Variants in NUP35 observed in about 807,000 individuals in gnomAD.
The protein encoded by NUP35 is nucleoporin NUP35.
Under a neutral mutation model 41.5 loss-of-function variants are expected in NUP35, and 25 were observed. The ratio of observed to expected loss-of-function variants is 0.60; its 90% CI spans 0.44 to 0.84. The LOEUF (loss-of-function observed/expected upper bound fraction) is 0.84. NUP35 is among the 40% of genes least tolerant of loss of function. The pLI is 0.00. For missense variants in NUP35, 396 were observed against 396.6 expected (o/e 1.00, Z 0.01); for synonymous variants, 149 against 130.7 (o/e 1.14, Z -0.96).
intron 3 of NUP35, among the ~76,000 whole-genome samples, chr2:183,131,785 T>TA (rs1684704021): frequency 6.6e-6 from 1 of 152,246 alleles, no homozygotes; most frequent in Non-Finnish European, 1.5e-5. Context: ...GGCTAAATAT[T>TA]ACTAAATTTC....
chr2:183,161,251 A>G lies in NUP35; in HGVS notation c.*120A>G. 6.6e-6 allele frequency: 4 copies of G among 610,396 alleles called. No homozygotes were observed. 37.8% of individuals were successfully genotyped at this position (610,396 alleles called of 1,614,324 possible). A position where few individuals can be genotyped will look rare whatever the true frequency, so the allele number is the denominator to read the frequency against. ...GATAGCTATCTCATACTTCTTTTAG[A>G]AAGAAGCCTTTTTCATTAAGGATAC... On this transcript the variant is annotated 3_prime_UTR_variant, in exon 9 of 9. Transcript: ENST00000295119.
At chr2:183,120,076 G>C (rs2105523242), upstream of NUP35, 1 of 152,382 alleles carries the variant, frequency 6.6e-6, no homozygotes, top group East Asian at 1.9e-4. Context: ...TCTTGTGGAG[G>C]CTGAAGAAAA....
At chr2:183,143,184 G>A (rs987598084) in intron 4 of NUP35, among the ~76,000 whole-genome samples, 2 of 149,898 alleles carry the variant, frequency 1.3e-5, no homozygotes, top group East Asian at 2.0e-4. Flanking sequence ...AAGAAATACA[G>A]CATTCTGTTC....
intron 2 of NUP35, among the ~76,000 whole-genome samples, chr2:183,129,104 AC>A (rs1167967817): frequency 6.6e-6 from 1 of 152,250 alleles, no homozygotes; most frequent in East Asian, 1.9e-4. Context: ...ATCTTAAGAT[AC>A]AAGAATAGGA....
upstream of NUP35, among the ~76,000 whole-genome samples, chr2:183,121,915 TTTATTA>T (rs71008266): frequency 2.2e-4 from 32 of 145,360 alleles, no homozygotes; most frequent in African/African-American, 6.4e-4. Flanking sequence ...GGCCATTCTT[TTTATTA>T]TTATTATTAT....
intron 4 of NUP35, among the ~76,000 whole-genome samples, chr2:183,142,664 G>C (rs1685139042): frequency 6.6e-6 from 1 of 151,444 alleles, no homozygotes; most frequent in Non-Finnish European, 1.5e-5. Context: ...ATTTTTAGTA[G>C]AGACAGGGTT....
intron 6 of NUP35, among the ~76,000 whole-genome samples, chr2:183,158,057 A>G (rs531848671): frequency 1.1e-4 from 17 of 150,196 alleles, no homozygotes; most frequent in African/African-American, 4.1e-4. Context: ...ACATATTTTG[A>G]GAAGTATCTT....
chr2:183,124,509 A>T lies in NUP35; in HGVS notation c.40+12A>T, dbSNP rs1559140061. 24 of 1,613,962 alleles carry T rather than the reference A, an allele frequency of 1.5e-5. No individual in the cohort carries two copies. Among genetic ancestry groups the T allele is most frequent in the Non-Finnish European group, 1.9e-5 (23 of 1,179,988 alleles). The stretch of plus-strand genomic sequence containing the variant: ...GGGGCCCGCGTTAGGTGAGTGAAAT[A>T]TTGCTTTTCCTTGCTGGCACTGCCA... On this transcript the variant is annotated intron_variant, in intron 1 of 8. Coordinates refer to ENST00000295119, the MANE Select transcript of NUP35 (RefSeq NM_138285.5).
chr2:183,158,326 A>G lies in NUP35; in HGVS notation c.653A>G (p.Lys218Arg), dbSNP rs1685747459. The G allele has an allele frequency of 6.2e-7, 1 of 1,608,860 alleles. No individual in the cohort carries two copies. ...TGGATGCATATTCGTTATCAATCTA[A>G]ACTGCAGGCTCGGAAAGCCTTAAGC... ...GNWMHIRYQS[K>R]LQARKALSKD... The change falls in exon 7 of 9, where the codon AAA becomes AGA. Residue 218 changes from lysine (K) to arginine (R), a missense_variant. By Grantham distance (26) the Lys-to-Arg change is conservative (BLOSUM62 2). Transcript: ENST00000295119.
chr2:183,157,604 T>C, intron 6 of NUP35, 91 bp downstream of exon 6: 2 of 921,986 alleles, frequency 2.2e-6, no homozygotes, highest in Non-Finnish European at 3.4e-6. Context: ...TGTGGGTTTT[T>C]TTTAAACTTA....
chr2:183,158,649 C>G (rs7558084), intron 7 of NUP35, among the ~76,000 whole-genome samples: 1 of 152,036 alleles, frequency 6.6e-6, no homozygotes, highest in Admixed American at 6.5e-5. Context: ...ACTGAGAGGG[C>G]TTAAGTAACT....
upstream of NUP35, among the ~76,000 whole-genome samples, chr2:183,119,651 G>A (rs1435846806): frequency 1.3e-5 from 2 of 152,136 alleles, no homozygotes; most frequent in African/African-American, 4.8e-5. Context: ...TGGAGCAAAA[G>A]GTTAGGATGA....
chr2:183,138,269 A>ATATATATTTTTTTTTTTTT, intron 4 of NUP35, among the ~76,000 whole-genome samples: 1 of 80,690 alleles, frequency 1.2e-5, no homozygotes, highest in Non-Finnish European at 2.2e-5. Flanking sequence ...ATATATATAT[A>ATATATATTTTTTTTTTTTT]TTTTTTTTTT....
At chr2:183,126,388 A>T (rs1011483436) in intron 1 of NUP35, among the ~76,000 whole-genome samples, 2 of 151,484 alleles carry the variant, frequency 1.3e-5, no homozygotes, top group African/African-American at 2.4e-5. Context: ...TTTTGCTATA[A>T]TTTTTTTTTC....
At chr2:183,145,893 A>G (rs1156504502) in intron 4 of NUP35, among the ~76,000 whole-genome samples, 1 of 152,222 alleles carries the variant, frequency 6.6e-6, no homozygotes, top group African/African-American at 2.4e-5. Flanking sequence ...AAAAACTACA[A>G]TGCAATAATA....
chr2:183,131,134 C>T (rs1684684766), intron 3 of NUP35: 1 of 255,950 alleles, frequency 3.9e-6, no homozygotes, highest in Non-Finnish European at 8.6e-6. Context: ...GCTGCTATGC[C>T]TGGCTAATTG....
intron 4 of NUP35, among the ~76,000 whole-genome samples, chr2:183,138,267 ATATTT>A (rs1559147374): frequency 1.4e-5 from 1 of 74,046 alleles, no homozygotes; most frequent in African/African-American, 7.3e-5. Flanking sequence ...ATATATATAT[ATATTT>A]TTTTTTTTTT....
intron 1 of NUP35, chr2:183,118,254 A>G (rs1559137689): frequency 6.6e-6 from 1 of 152,234 alleles, no homozygotes; most frequent in Non-Finnish European, 1.5e-5. Context: ...AGGTAGAGAA[A>G]AAAGTATTGT....
At position 183,151,518 on chromosome 2, in the gene NUP35, GT is replaced by G; in HGVS notation, c.411del (p.Phe137LeufsTer29). On this transcript the variant is annotated frameshift_variant, in exon 5 of 9. Transcript: ENST00000295119. LOFTEE classifies it high-confidence loss of function. The part of the protein sequence containing the change: ...TSTPGTGQSM[F>X]SPASIGQPRK... Reference sequence around the variant, plus strand: ...AATATACTAATATAGGGCAAAGTATGTTTAGTCCAGCAAGTATCGGTCAGCC... The same window carrying G: ...AATATACTAATATAGGGCAAAGTATGTTAGTCCAGCAAGTATCGGTCAGCC... The G allele has an allele frequency of 6.2e-7, 1 of 1,613,882 alleles. No individual in the cohort carries two copies. Among genetic ancestry groups the G allele is most frequent in the Non-Finnish European group, 8.5e-7 (1 of 1,179,866 alleles).
Sources: allele counts gnomAD v4.1 joint callset (sites outside exome capture counted in the v4.1 genomes callset), GRCh38; gene constraint gnomAD v4.1.1; transcripts MANE v1.5; gene names NCBI Gene and HGNC (gene_info 2026-07-23, HGNC 2026-07-21).